Variants in SEMA3A observed in about 807,000 individuals in gnomAD.
SEMA3A encodes the protein semaphorin-3A.
Under a neutral mutation model 97.9 loss-of-function variants are expected in SEMA3A, and 29 were observed. The observed-to-expected ratio is 0.30, with a 90% CI of 0.22 to 0.40. The LOEUF is 0.40. SEMA3A is among the 10% of genes least tolerant of loss of function. The pLI, the probability that SEMA3A is intolerant of heterozygous loss-of-function variation, is 1.00. For missense variants in SEMA3A, 763 were observed against 951.3 expected, an observed-to-expected ratio of 0.80 and a Z score of 2.60; for synonymous variants, 321 against 323.7, an observed-to-expected ratio of 0.99 and a Z score of 0.09.
intron 2 of SEMA3A, among the ~76,000 whole-genome samples, chr7:84,334,787 C>T (rs1416110711): frequency 6.6e-6 from 1 of 151,262 alleles, no homozygotes; most frequent in East Asian, 2.0e-4. Flanking sequence ...TTTCCTCTCA[C>T]TCACAACCCC....
At chr7:84,376,773 ATTT>A (rs1803114415) in intron 1 of SEMA3A, among the ~76,000 whole-genome samples, 2 of 151,910 alleles carry the variant, frequency 1.3e-5, no homozygotes, top group African/African-American at 4.8e-5. Flanking sequence ...TTGTTCATAT[ATTT>A]TTATGATGTT....
intron 1 of SEMA3A, among the ~76,000 whole-genome samples, chr7:84,192,197 A>G (rs1218794275): frequency 1.3e-5 from 2 of 151,990 alleles, no homozygotes; most frequent in African/African-American, 4.8e-5. Context: ...TTGACATCTA[A>G]TTAAGGAGAA....
chr7:84,445,845 A>G (rs1051524120), intron 1 of SEMA3A, among the ~76,000 whole-genome samples: 6 of 151,926 alleles, frequency 3.9e-5, no homozygotes, highest in Admixed American at 6.6e-5. Flanking sequence ...AAAATAATAA[A>G]GATTAGAGAA....
chr7:84,332,526 A>C (rs1268722054), intron 2 of SEMA3A, among the ~76,000 whole-genome samples: 1 of 152,130 alleles, frequency 6.6e-6, no homozygotes, highest in Non-Finnish European at 1.5e-5. Flanking sequence ...AATTGAGAAA[A>C]GACAATTTAA....
intron 1 of SEMA3A, among the ~76,000 whole-genome samples, chr7:84,470,421 C>A (rs866515148): frequency 1.3e-5 from 2 of 151,976 alleles, no homozygotes; most frequent in Non-Finnish European, 2.9e-5. Flanking sequence ...ATTCTGTGAA[C>A]AGAAGAAGAC....
chr7:84,127,040 A>G (rs1041434097), intron 3 of SEMA3A, among the ~76,000 whole-genome samples: 3 of 152,020 alleles, frequency 2.0e-5, no homozygotes, highest in Non-Finnish European at 4.4e-5. Context: ...ATCCACTGTT[A>G]CATAACCAGA....
chr7:84,260,094 T>G (rs1020172124), intron 3 of SEMA3A, among the ~76,000 whole-genome samples: 4 of 152,144 alleles, frequency 2.6e-5, no homozygotes, highest in Non-Finnish European at 5.9e-5. Context: ...AAATAAATAC[T>G]TGCTGAGTGA....
chr7:84,321,842 C>A (rs1298097188), intron 2 of SEMA3A, among the ~76,000 whole-genome samples: 1 of 125,140 alleles, frequency 8.0e-6, no homozygotes, highest in African/African-American at 3.1e-5. Flanking sequence ...TGCCACTGCA[C>A]TCCAGCCTGG....
chr7:84,116,106 T>C (rs1157517143), intron 3 of SEMA3A, among the ~76,000 whole-genome samples: 1 of 152,166 alleles, frequency 6.6e-6, no homozygotes, highest in Non-Finnish European at 1.5e-5. Flanking sequence ...TTCATTCACA[T>C]CTACCTCCTT....
chr7:84,086,245 C>T (rs1322248337), intron 4 of SEMA3A, among the ~76,000 whole-genome samples: 1 of 151,756 alleles, frequency 6.6e-6, no homozygotes, highest in African/African-American at 2.4e-5. Context: ...ATTGAGAACA[C>T]AAGAAGATGC....
rs1316091728 is a variant in SEMA3A, at chr7:83,992,776, C to T, written c.1453-7299G>A. 8.6e-5 allele frequency among the ~76,000 whole-genome samples: 13 copies of T among 151,750 alleles called. No individual in the cohort carries two copies. In the East Asian group the frequency reaches 1.5e-3, roughly 18 times the overall value. On this transcript the variant is annotated intron_variant, in intron 12 of 16. Transcript: ENST00000265362. ...TTTTGGAATAGATGTGGTGTGGTGCCGAAAAAGTGTATATTCTGTTGATTT... is the reference window on the plus strand; with the variant it reads ...TTTTGGAATAGATGTGGTGTGGTGCTGAAAAAGTGTATATTCTGTTGATTT...
intron 4 of SEMA3A, among the ~76,000 whole-genome samples, chr7:84,087,505 G>A (rs557402775): frequency 3.3e-5 from 5 of 152,100 alleles, no homozygotes; most frequent in African/African-American, 7.2e-5. Flanking sequence ...AGGGAAGATC[G>A]GCATTAAACA....
At chr7:84,483,228 C>A (rs193114860) in intron 1 of SEMA3A, among the ~76,000 whole-genome samples, 4 of 152,004 alleles carry the variant, frequency 2.6e-5, no homozygotes, top group Admixed American at 6.6e-5. Context: ...GGTAATTTGA[C>A]CTTTTGTTAA....
At chr7:83,981,101 C>G (rs1416272924) in intron 14 of SEMA3A, among the ~76,000 whole-genome samples, 7 of 152,058 alleles carry the variant, frequency 4.6e-5, no homozygotes, top group Admixed American at 3.9e-4. Context: ...AAGACTCAGT[C>G]TAGATTCTGT....
intron 1 of SEMA3A, among the ~76,000 whole-genome samples, chr7:84,374,237 A>G (rs1035798441): frequency 6.6e-6 from 1 of 152,224 alleles, no homozygotes; most frequent in African/African-American, 2.4e-5. Flanking sequence ...TCCTTTACCC[A>G]ACAATTCCAT....
At position 84,056,577 on chromosome 7, in the gene SEMA3A, A is replaced by AG. The variant is rs553693218; in HGVS notation, c.547+3887dup. Among the ~76,000 whole-genome samples the AG allele has an allele frequency of 4.7e-3, 718 of 152,036 alleles. 4 individuals are homozygous for AG. Among genetic ancestry groups the AG allele is most frequent in the African/African-American group, 0.016 (649 of 41,490 alleles). On this transcript the variant is annotated intron_variant, in intron 5 of 16. Coordinates refer to ENST00000265362, the MANE Select transcript of SEMA3A (RefSeq NM_006080.3). ...GAGTACCAAAGAAATTAGAAACAGA[A>AG]GGGGGAAAAAAAAAAGAAAATACCC... is the stretch of plus-strand genomic sequence containing the variant.
At chr7:84,066,301 C>T (rs1399516458) in intron 4 of SEMA3A, among the ~76,000 whole-genome samples, 1 of 152,000 alleles carries the variant, frequency 6.6e-6, no homozygotes. Flanking sequence ...ATGACAAACC[C>T]ACATCCAATA....
chr7:84,062,534 G>C (rs973447340), intron 4 of SEMA3A, among the ~76,000 whole-genome samples: 1 of 152,208 alleles, frequency 6.6e-6, no homozygotes, highest in African/African-American at 2.4e-5. Context: ...CGGAGTGCGA[G>C]ACAGTGGGCA....
rs932093853 is a variant in SEMA3A at position 84,358,273 on chromosome 7, T to G, written c.-169+13551A>C. On this transcript the variant is annotated intron_variant, in intron 2 of 3. Coordinates refer to the SEMA3A transcript ENST00000424555. Reference sequence around the variant, plus strand: ...TCTAGGGTTTTTATGGTTTCAGGTCTAACATTTAAGTCTTTAATCCATCTT... The same window carrying G: ...TCTAGGGTTTTTATGGTTTCAGGTCGAACATTTAAGTCTTTAATCCATCTT... 3.9e-5 allele frequency among the ~76,000 whole-genome samples: 6 copies of G among 152,330 alleles called. No individual in the cohort carries two copies. In the Middle Eastern group the frequency reaches 0.01, roughly 259 times the overall value.
Sources: gnomAD v4.1 joint callset for allele counts (sites outside exome capture counted in the v4.1 genomes callset) on GRCh38, gnomAD v4.1.1 for gene constraint, MANE v1.5 for transcripts, NCBI Gene and HGNC (gene_info 2026-07-23, HGNC 2026-07-21) for gene names.